SLC30A7: variants seen among roughly 807,000 people sequenced by gnomAD.
SLC30A7 encodes the protein zinc transporter 7.
Under a neutral mutation model 46.0 loss-of-function variants are expected in SLC30A7, and 35 were observed. That is an observed-to-expected ratio of 0.76 (90% CI 0.58 to 1.01). SLC30A7 has a LOEUF of 1.01. Ranked by LOEUF, SLC30A7 falls within the 50% of genes least tolerant of loss-of-function variation. SLC30A7 has a pLI of 0.00. For synonymous variants in SLC30A7, 147 were observed against 157.8 expected, an observed-to-expected ratio of 0.93 and a Z score of 0.51; for missense variants, 464 against 451.1, an observed-to-expected ratio of 1.03 and a Z score of -0.26.
chr1:100,960,677 T>G (rs1422036803), intron 8 of SLC30A7, among the ~76,000 whole-genome samples: 2 of 152,168 alleles, frequency 1.3e-5, no homozygotes, highest in Non-Finnish European at 2.9e-5. Context: ...TTCTGTAAGT[T>G]TAAAAGTGAG....
intron 10 of SLC30A7, among the ~76,000 whole-genome samples, chr1:100,966,324 C>T (rs1200369528): frequency 6.6e-6 from 1 of 151,788 alleles, no homozygotes; most frequent in South Asian, 2.1e-4. Flanking sequence ...TGGCTCACAC[C>T]TGTAATCCCA....
chr1:100,898,040 T>C (rs907007205), intron 2 of SLC30A7, among the ~76,000 whole-genome samples: 2 of 152,188 alleles, frequency 1.3e-5, no homozygotes, highest in East Asian at 3.8e-4. Flanking sequence ...TTATGCCAAA[T>C]TAATTTTGGG....
At chr1:100,918,301 C>A (rs1652722200) in intron 7 of SLC30A7, among the ~76,000 whole-genome samples, 174 bp downstream of exon 7, 1 of 152,080 alleles carries the variant, frequency 6.6e-6, no homozygotes, top group African/African-American at 2.4e-5. Flanking sequence ...AGCAGACATT[C>A]TTTTAATTGT....
chr1:100,987,297 G>C, the SLC30A7 span, among the ~76,000 whole-genome samples: 1 of 152,266 alleles, frequency 6.6e-6, no homozygotes, highest in South Asian at 2.1e-4. Flanking sequence ...ATTCTGGCCT[G>C]TAAGTTACTT....
intron 6 of SLC30A7, among the ~76,000 whole-genome samples, chr1:100,917,295 G>A (rs542338436): frequency 6.6e-6 from 1 of 152,220 alleles, no homozygotes; most frequent in East Asian, 1.9e-4. Flanking sequence ...ATATTATATG[G>A]TGTTATGCTT....
intron 3 of SLC30A7, 62 bp from the exon 4 acceptor site, chr1:100,911,001 T>A: frequency 7.6e-7 from 1 of 1,321,134 alleles, no homozygotes; most frequent in Non-Finnish European, 1.1e-6. Flanking sequence ...TGTATGTAAT[T>A]TTACGATTTA....
chr1:100,919,696 CTT>C (rs1175345067), intron 7 of SLC30A7, among the ~76,000 whole-genome samples: 1 of 152,010 alleles, frequency 6.6e-6, no homozygotes. Context: ...TTCTAATTCT[CTT>C]TTATATAAGT....
rs1558011276 is a variant in SLC30A7 at position 100,972,830 on chromosome 1, CTG to C, written c.1084-1978_1084-1977del. On this transcript the variant is annotated intron_variant, in intron 10 of 10. Coordinates refer to ENST00000357650, the MANE Select transcript of SLC30A7 (RefSeq NM_133496.5). ...TATATAGCAAGGATTTATTGAATAT[CTG>C]TCAAATATTGGATGAATATGTAACA... Among the ~76,000 whole-genome samples the C allele has an allele frequency of 1.2e-4, 18 of 152,072 alleles. No individual in the cohort carries two copies. In the South Asian group the frequency reaches 3.5e-3, roughly 30 times the overall value.
intron 3 of SLC30A7, among the ~76,000 whole-genome samples, chr1:100,910,504 T>C (rs1652013839): frequency 6.6e-6 from 1 of 152,108 alleles, no homozygotes; most frequent in African/African-American, 2.4e-5. Context: ...TTATTAATCT[T>C]AGAAAAAGTG....
intron 8 of SLC30A7, among the ~76,000 whole-genome samples, chr1:100,928,214 CTG>C (rs1445026946): frequency 1.3e-5 from 2 of 152,142 alleles, no homozygotes; most frequent in African/African-American, 4.8e-5. Context: ...CTTAAGGAAA[CTG>C]TGCTGTAGGG....
rs1358271125 is a variant in SLC30A7 at position 100,978,888 on chromosome 1, G to C, written c.*4031G>C. 2 of 152,032 alleles carry C rather than the reference G, an allele frequency of 1.3e-5. No individual in the cohort carries two copies. The highest frequency in any genetic ancestry group is 2.9e-5 in the Non-Finnish European group (2 of 67,982). The allele number at this position is 152,032 out of a possible 1,614,324, so 9.4% of individuals were successfully genotyped here. Reference sequence around the variant, plus strand: ...ATATCTGTAAAATGGATCCTTTTATGAGTGAATTTTTCTGCTAATTGCCCA... The same window carrying C: ...ATATCTGTAAAATGGATCCTTTTATCAGTGAATTTTTCTGCTAATTGCCCA... On this transcript the variant is annotated 3_prime_UTR_variant, in exon 11 of 11. Coordinates refer to ENST00000357650, the MANE Select transcript of SLC30A7 (RefSeq NM_133496.5).
intron 10 of SLC30A7, among the ~76,000 whole-genome samples, chr1:100,972,090 G>A (rs1019527201): frequency 5.3e-5 from 8 of 152,156 alleles, no homozygotes; most frequent in African/African-American, 1.9e-4. Context: ...TTAAGGACCT[G>A]TCAGCCAGCC....
rs1308605384 is a variant in SLC30A7 at position 100,913,782 on chromosome 1, G to T, written c.631G>T (p.Gly211Ter). 6.2e-7 allele frequency: 1 copy of T among 1,613,648 alleles called. No homozygotes were observed. The highest frequency in any genetic ancestry group is 8.5e-7 in the Non-Finnish European group (1 of 1,179,750). The change falls in exon 6 of 11, where the codon GGA (glycine) becomes TGA (stop). Residue 211 changes from glycine to a stop codon, truncating the protein, a stop_gained. Transcript: ENST00000357650. LOFTEE classifies it high-confidence loss of function. The stretch of plus-strand genomic sequence containing the variant: ...TGCACATAGCCATGATCATGCTCAT[G>T]GACATGGACACTTTCATTCTCATGG... ...GAAHSHDHAH[G>*]HGHFHSHDGP...
chr1:100,930,775 T>G (rs1653617385), intron 8 of SLC30A7, among the ~76,000 whole-genome samples: 1 of 152,150 alleles, frequency 6.6e-6, no homozygotes, highest in South Asian at 2.1e-4. Flanking sequence ...TGCTTGTATA[T>G]GTGCCCATAT....
intron 8 of SLC30A7, among the ~76,000 whole-genome samples, chr1:100,937,814 G>T (rs1326948059): frequency 6.6e-6 from 1 of 152,038 alleles, no homozygotes; most frequent in African/African-American, 2.4e-5. Flanking sequence ...TCATATCTGA[G>T]AAATCAACCA....
intron 6 of SLC30A7, among the ~76,000 whole-genome samples, chr1:100,914,317 C>T (rs1260049200): frequency 1.3e-5 from 2 of 152,136 alleles, no homozygotes; most frequent in African/African-American, 2.4e-5. Context: ...TTTTTTTGTA[C>T]TCATTAACCG....
intron 8 of SLC30A7, among the ~76,000 whole-genome samples, chr1:100,959,135 G>A (rs1447044179): frequency 1.3e-5 from 2 of 152,162 alleles, no homozygotes; most frequent in Non-Finnish European, 2.9e-5. Context: ...AGGATTAATA[G>A]GAGGTGAAGG....
chr1:100,920,831 A>G (rs756436427), intron 7 of SLC30A7, among the ~76,000 whole-genome samples: 1 of 152,032 alleles, frequency 6.6e-6, no homozygotes. Context: ...AGGGCAGATG[A>G]TGGTATTGAA....
In SLC30A7 at chr1:100,975,850, T is replaced by TG. The variant is rs1368302351; in HGVS notation, c.*993_*994insG. ...TATGTTTTTTTTTTTTTTTTTTTTT[T>TG]TTTTTAACAATGGATATTCTGTAAA... On this transcript the variant is annotated 3_prime_UTR_variant, in exon 11 of 11. Transcript: ENST00000357650. 6.6e-6 allele frequency: 1 copy of TG among 151,022 alleles called. No individual in the cohort carries two copies. Among genetic ancestry groups the TG allele is most frequent in the Non-Finnish European group, 1.5e-5 (1 of 67,772 alleles). The allele number at this position is 151,022 out of a possible 1,614,324, so 9.4% of individuals were successfully genotyped here. A position where few individuals can be genotyped will look rare whatever the true frequency, so the allele number is the denominator to read the frequency against.
Sources: gnomAD v4.1 joint callset for allele counts (sites outside exome capture counted in the v4.1 genomes callset) on GRCh38, gnomAD v4.1.1 for gene constraint, MANE v1.5 for transcripts, NCBI Gene and HGNC (gene_info 2026-07-23, HGNC 2026-07-21) for gene names.